The following DSCAM variants were observed in gnomAD, a reference collection of about 807,000 sequenced individuals.
DSCAM encodes cell adhesion molecule DSCAM.
DSCAM carries 47 observed loss-of-function variants against 217.7 expected under a neutral mutation model. The ratio of observed to expected loss-of-function variants is 0.22; its 90% CI spans 0.17 to 0.28. The LOEUF is 0.28. Ranked by LOEUF, DSCAM falls within the 10% of genes least tolerant of loss-of-function variation. DSCAM has a pLI of 1.00. For missense variants in DSCAM, 2,080 were observed against 2,618.3 expected (o/e 0.79, Z 4.49); for synonymous variants, 1,056 against 1,015.3 (o/e 1.04, Z -0.76).
chr21:40,437,050 G>T (rs2145906635), intron 3 of DSCAM, among the ~76,000 whole-genome samples: 1 of 152,216 alleles, frequency 6.6e-6, no homozygotes, highest in South Asian at 2.1e-4. Flanking sequence ...AATCAGATGT[G>T]GTGGCTGAAA....
intron 11 of DSCAM, among the ~76,000 whole-genome samples, chr21:40,196,253 A>G (rs2146845601): frequency 6.6e-6 from 1 of 152,232 alleles, no homozygotes; most frequent in South Asian, 2.1e-4. Flanking sequence ...GGGAGCAGAG[A>G]ATCTGACTCC....
chr21:40,574,706 AT>A (rs35778831), intron 3 of DSCAM, among the ~76,000 whole-genome samples: 2,850 of 127,552 alleles, frequency 0.022, 56 homozygotes, highest in African/African-American at 0.055. Context: ...AAGGTGCCTG[AT>A]TTTTTTTTTT....
At chr21:40,297,730 G>A (rs1253643443) in intron 9 of DSCAM, among the ~76,000 whole-genome samples, 2 of 152,188 alleles carry the variant, frequency 1.3e-5, no homozygotes, top group South Asian at 2.1e-4. Flanking sequence ...GGAATTCACC[G>A]CAGTGTTTCT....
At chr21:40,246,544 GAA>G (rs549164063) in intron 11 of DSCAM, among the ~76,000 whole-genome samples, 1 of 139,494 alleles carries the variant, frequency 7.2e-6, no homozygotes, top group Non-Finnish European at 1.6e-5. Flanking sequence ...CTATATCAAA[GAA>G]AAAAAAAAAG....
intron 24 of DSCAM, among the ~76,000 whole-genome samples, chr21:40,081,761 G>C (rs910173436): frequency 6.6e-6 from 1 of 152,132 alleles, no homozygotes; most frequent in Non-Finnish European, 1.5e-5. Context: ...CCATCAGTGT[G>C]GGCACACAAC....
intron 3 of DSCAM, among the ~76,000 whole-genome samples, chr21:40,527,892 GC>G (rs1296418693): frequency 6.6e-6 from 1 of 152,060 alleles, no homozygotes; most frequent in Non-Finnish European, 1.5e-5. Flanking sequence ...AAGACCACCC[GC>G]CTCATAGCTG....
At chr21:40,199,479 T>C (rs11909038) in intron 11 of DSCAM, among the ~76,000 whole-genome samples, 4 of 152,100 alleles carry the variant, frequency 2.6e-5, no homozygotes, top group Non-Finnish European at 4.4e-5. Context: ...GTGTCTTTAT[T>C]GTAGAATGAG....
intron 9 of DSCAM, among the ~76,000 whole-genome samples, chr21:40,299,560 C>A (rs1158030515): frequency 3.9e-5 from 6 of 152,178 alleles, no homozygotes; most frequent in Middle Eastern, 3.4e-3. Context: ...AGTTTCTAAA[C>A]AAATTTCTTT....
At chr21:40,040,022 A>G (rs1039026433) in intron 32 of DSCAM, among the ~76,000 whole-genome samples, 3 of 152,238 alleles carry the variant, frequency 2.0e-5, no homozygotes, top group Admixed American at 6.5e-5. Context: ...AGCTCTAGTT[A>G]GCAGAATAGT....
At chr21:40,187,614 C>T (rs1253373861) in intron 13 of DSCAM, among the ~76,000 whole-genome samples, 1 of 152,078 alleles carries the variant, frequency 6.6e-6, no homozygotes, top group Non-Finnish European at 1.5e-5. Flanking sequence ...AAAGAAATTC[C>T]ACCGCTGTAC....
At chr21:40,598,722 C>G (rs1020116165) in intron 3 of DSCAM, among the ~76,000 whole-genome samples, 3 of 151,942 alleles carry the variant, frequency 2.0e-5, no homozygotes, top group African/African-American at 7.3e-5. Context: ...CCAGGATGGA[C>G]TTGATCTCTT....
intron 3 of DSCAM, among the ~76,000 whole-genome samples, chr21:40,559,004 C>A (rs541253265): frequency 1.3e-5 from 2 of 152,294 alleles, no homozygotes; most frequent in East Asian, 3.9e-4. Context: ...ATGTCTGTGG[C>A]ACTCCAGAAA....
At chr21:40,684,936 C>T (rs563845238) in intron 3 of DSCAM, among the ~76,000 whole-genome samples, 4 of 152,180 alleles carry the variant, frequency 2.6e-5, no homozygotes, top group African/African-American at 9.6e-5. Flanking sequence ...CCAAACATCA[C>T]GGGGAGAGAG....
intron 28 of DSCAM, among the ~76,000 whole-genome samples, chr21:40,056,062 T>C (rs1361053026): frequency 6.6e-6 from 1 of 152,208 alleles, no homozygotes; most frequent in Admixed American, 6.5e-5. Context: ...AAAATACAAA[T>C]TGTCAATAGA....
At chr21:40,391,993 C>T (rs2837608) in intron 3 of DSCAM, among the ~76,000 whole-genome samples, 61,620 of 151,948 alleles carry the variant, frequency 0.41, 13,977 homozygotes, top group South Asian at 0.61. Flanking sequence ...GTGGGAACCA[C>T]GCCGGTGAAA....
chr21:40,204,665 C>T (rs923701527), intron 11 of DSCAM, among the ~76,000 whole-genome samples: 2 of 152,138 alleles, frequency 1.3e-5, no homozygotes, highest in African/African-American at 2.4e-5. Context: ...AAGGAATACA[C>T]CCAGCCTGTG....
chr21:40,782,634 G>A (rs1226175946), intron 1 of DSCAM, among the ~76,000 whole-genome samples: 2 of 152,150 alleles, frequency 1.3e-5, no homozygotes, highest in Admixed American at 6.5e-5. Context: ...GGAAGCTGAA[G>A]TGGAAGGATC....
intron 32 of DSCAM, among the ~76,000 whole-genome samples, chr21:40,019,484 T>C (rs1045476587): frequency 2.0e-5 from 3 of 152,210 alleles, no homozygotes; most frequent in Non-Finnish European, 4.4e-5. Context: ...AGATAATGCA[T>C]GTGAAAGCTT....
intron 3 of DSCAM, among the ~76,000 whole-genome samples, chr21:40,485,448 T>G (rs1388343396): frequency 6.6e-6 from 1 of 151,600 alleles, no homozygotes; most frequent in Admixed American, 6.6e-5. Context: ...TTCACCGTGT[T>G]AGCCAGGATG....
Sources: gnomAD v4.1 joint callset for allele counts (sites outside exome capture counted in the v4.1 genomes callset) on GRCh38, gnomAD v4.1.1 for gene constraint, MANE v1.5 for transcripts, NCBI Gene and HGNC (gene_info 2026-07-23, HGNC 2026-07-21) for gene names.